The following CNTNAP2 variants were observed in gnomAD, a reference collection of about 807,000 sequenced individuals.
CNTNAP2 encodes the protein contactin-associated protein-like 2.
A neutral mutation model predicts 155.2 loss-of-function variants in CNTNAP2; 98 were observed. The observed-to-expected ratio is 0.63, with a 90% CI of 0.54 to 0.75. CNTNAP2 has a LOEUF of 0.75. Among genes scored for constraint, CNTNAP2 ranks in the 30% least tolerant of loss-of-function variants. CNTNAP2 has a pLI of 0.00. For synonymous variants in CNTNAP2, 651 were observed against 631.2 expected, an observed-to-expected ratio of 1.03 and a Z score of -0.47; for missense variants, 1,727 against 1,688.1, an observed-to-expected ratio of 1.02 and a Z score of -0.40.
intron 1 of CNTNAP2, among the ~76,000 whole-genome samples, chr7:146,604,843 A>G (rs1460359623): frequency 6.9e-6 from 1 of 144,810 alleles, no homozygotes; most frequent in African/African-American, 2.5e-5. Context: ...CAAACACCTC[A>G]TATTCTCACT....
chr7:147,109,512 G>A lies in CNTNAP2; in HGVS notation c.754+1162G>A, dbSNP rs530542240. On this transcript the variant is annotated intron_variant, in intron 5 of 23. Transcript: ENST00000361727. ...TGGAAGTTGATATATGAGACTGAGAGAGGAAGACTAAAATGGAGACTAAGT... is the reference window on the plus strand; with the variant it reads ...TGGAAGTTGATATATGAGACTGAGAAAGGAAGACTAAAATGGAGACTAAGT... Among the ~76,000 whole-genome samples, 3 of 152,268 alleles carry A rather than the reference G, an allele frequency of 2.0e-5. 1 individual carries two copies. Among genetic ancestry groups the A allele is most frequent in the African/African-American group, 7.2e-5 (3 of 41,560 alleles).
In CNTNAP2 at chr7:147,837,815, G is replaced by A. The variant is rs116148666; in HGVS notation, c.2099-65750G>A. 7.8e-3 allele frequency among the ~76,000 whole-genome samples: 1,186 copies of A among 152,262 alleles called. 17 individuals are homozygous for A. The highest frequency in any genetic ancestry group is 0.027 in the African/African-American group (1,123 of 41,554). Reference sequence around the variant, plus strand: ...TCCTTTGACTCCAGGTCTCACATCCGGGTCACACTGATGGTGGGCTCTCAC... The same window carrying A: ...TCCTTTGACTCCAGGTCTCACATCCAGGTCACACTGATGGTGGGCTCTCAC... On this transcript the variant is annotated intron_variant, in intron 13 of 23. Transcript: ENST00000361727.
intron 12 of CNTNAP2, among the ~76,000 whole-genome samples, chr7:147,581,780 G>A (rs7805454): frequency 0.69 from 105,040 of 152,110 alleles, 36,840 homozygotes; most frequent in African/African-American, 0.81. Flanking sequence ...AATGTTTCTA[G>A]TGGTATGACT....
chr7:147,372,342 C>A (rs1796361842), intron 9 of CNTNAP2, among the ~76,000 whole-genome samples: 1 of 152,078 alleles, frequency 6.6e-6, no homozygotes, highest in Non-Finnish European at 1.5e-5. Context: ...TCTCGAGAGA[C>A]CACTTAAGGA....
At chr7:147,952,705 C>G (rs895271443) in intron 14 of CNTNAP2, among the ~76,000 whole-genome samples, 9 of 152,126 alleles carry the variant, frequency 5.9e-5, no homozygotes, top group African/African-American at 2.2e-4. Context: ...CACATACACA[C>G]ACAGACACGT....
intron 15 of CNTNAP2, among the ~76,000 whole-genome samples, chr7:148,092,422 G>A (rs909059011): frequency 1.3e-5 from 2 of 152,166 alleles, no homozygotes; most frequent in East Asian, 3.9e-4. Flanking sequence ...GAGGCTGGTT[G>A]TGTTTTGTTC....
At chr7:147,940,512 A>G (rs1044155307) in intron 14 of CNTNAP2, among the ~76,000 whole-genome samples, 9 of 151,894 alleles carry the variant, frequency 5.9e-5, no homozygotes, top group Non-Finnish European at 1.2e-4. Flanking sequence ...AGATTCTTTC[A>G]TTATTTCTTT....
chr7:147,332,906 T>A (rs1795598013), intron 9 of CNTNAP2, among the ~76,000 whole-genome samples: 1 of 152,056 alleles, frequency 6.6e-6, no homozygotes, highest in South Asian at 2.1e-4. Flanking sequence ...TTGGTTTCTA[T>A]TTATTTATAT....
chr7:147,105,018 G>A (rs889386453), intron 4 of CNTNAP2, among the ~76,000 whole-genome samples: 10 of 150,036 alleles, frequency 6.7e-5, no homozygotes, highest in South Asian at 2.1e-4. Flanking sequence ...GTGATTTTTC[G>A]TGGTTGGGAT....
chr7:147,149,667 G>A (rs556176404), intron 8 of CNTNAP2, among the ~76,000 whole-genome samples: 108 of 152,208 alleles, frequency 7.1e-4, no homozygotes, highest in Non-Finnish European at 1.2e-3. Context: ...GGATAGATAG[G>A]TAGATAGATC....
At position 148,040,508 on chromosome 7, in the gene CNTNAP2, A is replaced by G. The variant is rs1169459767; in HGVS notation, c.2383+62519A>G. On this transcript the variant is annotated intron_variant, in intron 15 of 23. Coordinates refer to ENST00000361727, the MANE Select transcript of CNTNAP2 (RefSeq NM_014141.6). Reference sequence around the variant, plus strand: ...GTTCTAATGTCGGTCACAATCAAGAAATGACATGAACAATATTCTGAATCA... The same window carrying G: ...GTTCTAATGTCGGTCACAATCAAGAGATGACATGAACAATATTCTGAATCA... Among the ~76,000 whole-genome samples, 4 of 152,284 alleles carry G rather than the reference A, an allele frequency of 2.6e-5. No individual in the cohort carries two copies. In the East Asian group the frequency reaches 5.8e-4, roughly 22 times the overall value.
intron 8 of CNTNAP2, among the ~76,000 whole-genome samples, chr7:147,255,634 A>T (rs1423456225): frequency 3.3e-5 from 5 of 151,676 alleles, no homozygotes; most frequent in South Asian, 4.1e-4. Context: ...CATGCCATAT[A>T]AAAAAAATGG....
intron 21 of CNTNAP2, among the ~76,000 whole-genome samples, chr7:148,320,718 C>G (rs1163739066): frequency 6.6e-6 from 1 of 152,100 alleles, no homozygotes; most frequent in Non-Finnish European, 1.5e-5. Context: ...TATTCCACCC[C>G]ACCTGTGCTA....
At position 148,125,655 on chromosome 7, in the gene CNTNAP2, CTGTGTGTGTGTG is replaced by C. The variant is rs763817928; in HGVS notation, c.2554+7391_2554+7402del. On this transcript the variant is annotated intron_variant, in intron 16 of 23. Transcript: ENST00000361727. ...ACTAGTAATCTCTGTTATTATAAAA[CTGTGTGTGTGTG>C]TGTGTGTGTGTGTGTGTGTGTGTAT... Among the ~76,000 whole-genome samples the C allele has an allele frequency of 2.7e-3, 369 of 136,372 alleles. 2 individuals are homozygous for C. Among genetic ancestry groups the C allele is most frequent in the Admixed American group, 3.5e-3 (47 of 13,528 alleles). 89.5% of individuals were successfully genotyped at this position (136,372 alleles called of 152,430 possible).
chr7:146,710,397 C>G (rs1801042767), intron 1 of CNTNAP2, among the ~76,000 whole-genome samples: 4 of 152,160 alleles, frequency 2.6e-5, no homozygotes, highest in Admixed American at 2.6e-4. Flanking sequence ...CTATTCTCAT[C>G]CCTTCATTCT....
chr7:146,747,953 C>G lies in CNTNAP2; in HGVS notation c.98-26318C>G, dbSNP rs1054699683. 2.6e-5 allele frequency among the ~76,000 whole-genome samples: 4 copies of G among 151,994 alleles called. No homozygotes were observed. In the East Asian group the frequency reaches 7.7e-4, roughly 29 times the overall value. On this transcript the variant is annotated intron_variant, in intron 1 of 23. Coordinates refer to ENST00000361727, the MANE Select transcript of CNTNAP2 (RefSeq NM_014141.6). Reference sequence around the variant, plus strand: ...TTAAATTATTCACGGGATGAAACTGCCTGCTATAGGCTTAATGAACACAAT... The same window carrying G: ...TTAAATTATTCACGGGATGAAACTGGCTGCTATAGGCTTAATGAACACAAT...
chr7:147,058,440 A>C (rs1030795406), intron 4 of CNTNAP2, among the ~76,000 whole-genome samples: 7 of 152,164 alleles, frequency 4.6e-5, no homozygotes, highest in African/African-American at 1.7e-4. Context: ...TAACAGAATA[A>C]AATTTATATT....
intron 12 of CNTNAP2, among the ~76,000 whole-genome samples, chr7:147,576,043 G>T (rs895745318): frequency 6.6e-6 from 1 of 151,820 alleles, no homozygotes; most frequent in African/African-American, 2.4e-5. Flanking sequence ...CTTTTTAATA[G>T]GTTGAAACAT....
chr7:147,342,666 T>C (rs1795785066), intron 9 of CNTNAP2, among the ~76,000 whole-genome samples: 1 of 152,172 alleles, frequency 6.6e-6, no homozygotes, highest in African/African-American at 2.4e-5. Context: ...GGTTTTAGGA[T>C]TTAACCCAGG....
Sources: allele counts gnomAD v4.1 joint callset (sites outside exome capture counted in the v4.1 genomes callset), GRCh38; gene constraint gnomAD v4.1.1; transcripts MANE v1.5; gene names NCBI Gene and HGNC (gene_info 2026-07-23, HGNC 2026-07-21).